The following TSGA10 variants were observed in gnomAD, a reference collection of about 807,000 sequenced individuals.
The protein encoded by TSGA10 is testis specific 10, also known as testis-specific gene 10 protein.
A neutral mutation model predicts 96.6 loss-of-function variants in TSGA10; 43 were observed. The ratio of observed to expected loss-of-function variants is 0.44; its 90% CI spans 0.35 to 0.57. The LOEUF is 0.57. Ranked by LOEUF, TSGA10 falls within the 20% of genes least tolerant of loss-of-function variation. The pLI is 0.01. For synonymous variants in TSGA10, 229 were observed against 269.9 expected, an observed-to-expected ratio of 0.85 and a Z score of 1.48; for missense variants, 703 against 834.4, an observed-to-expected ratio of 0.84 and a Z score of 1.94.
chr2:99,058,760 G>A (rs1034167209), intron 16 of TSGA10, among the ~76,000 whole-genome samples: 7 of 152,138 alleles, frequency 4.6e-5, no homozygotes, highest in Admixed American at 3.9e-4. Flanking sequence ...AATCCTGGCT[G>A]GGCATGGTGG....
intron 17 of TSGA10, among the ~76,000 whole-genome samples, chr2:99,020,705 A>G (rs2104954019): frequency 6.6e-6 from 1 of 152,252 alleles, no homozygotes; most frequent in Middle Eastern, 3.4e-3. Context: ...TCATTAATTT[A>G]AGAAAAGGCT....
At chr2:99,145,628 C>A (rs1405771561) in intron 1 of TSGA10, among the ~76,000 whole-genome samples, 2 of 151,966 alleles carry the variant, frequency 1.3e-5, no homozygotes, top group Admixed American at 6.6e-5. Flanking sequence ...AATTTTCCCA[C>A]CCTCAGAGTC....
At position 99,058,775 on chromosome 2, in the gene TSGA10, C is replaced by T. The variant is rs568855525; in HGVS notation, c.1404+6164G>A. Reference sequence around the variant, plus strand: ...AATCCTGGCTGGGCATGGTGGCTCACGCCTGTAATCCCAGCACTTTGGGAG... The same window carrying T: ...AATCCTGGCTGGGCATGGTGGCTCATGCCTGTAATCCCAGCACTTTGGGAG... On this transcript the variant is annotated intron_variant, in intron 16 of 20. Coordinates refer to ENST00000393483, the MANE Select transcript of TSGA10 (RefSeq NM_025244.4). Among the ~76,000 whole-genome samples, 5 of 151,920 alleles carry T rather than the reference C, an allele frequency of 3.3e-5. No individual in the cohort carries two copies. In the South Asian group the frequency reaches 6.2e-4, roughly 19 times the overall value.
At chr2:99,122,976 C>A (rs1310913771) in intron 2 of TSGA10, among the ~76,000 whole-genome samples, 1 of 152,074 alleles carries the variant, frequency 6.6e-6, no homozygotes, top group Non-Finnish European at 1.5e-5. Flanking sequence ...TTTTCTTTAT[C>A]TGAGAATGTC....
intron 10 of TSGA10, among the ~76,000 whole-genome samples, chr2:99,101,012 C>T (rs542830421): frequency 6.7e-6 from 1 of 148,364 alleles, no homozygotes; most frequent in South Asian, 2.2e-4. Flanking sequence ...GCCTGTAATC[C>T]CAGCACTTTG....
rs1201070531 is a variant in TSGA10 at position 99,059,403 on chromosome 2, C to T, written c.1404+5536G>A. 1.2e-4 allele frequency among the ~76,000 whole-genome samples: 18 copies of T among 150,220 alleles called. 4 individuals are homozygous for T. The highest frequency in any genetic ancestry group is 1.1e-3 in the Admixed American group (17 of 15,064). ...TAATCCCAGCACTTTCGGAAGCCGA[C>T]GTGGGCAGATCACCTGAGGTCAGGA... On this transcript the variant is annotated intron_variant, in intron 16 of 20. Coordinates refer to ENST00000393483, the MANE Select transcript of TSGA10 (RefSeq NM_025244.4).
intron 15 of TSGA10, among the ~76,000 whole-genome samples, chr2:99,065,329 G>A (rs1219989349): frequency 6.6e-6 from 1 of 152,170 alleles, no homozygotes; most frequent in African/African-American, 2.4e-5. Flanking sequence ...TGGCTCCTGA[G>A]TAACACTCAG....
chr2:99,008,213 A>C (rs552947480), intron 20 of TSGA10, among the ~76,000 whole-genome samples: 78 of 152,346 alleles, frequency 5.1e-4, no homozygotes, highest in Middle Eastern at 3.4e-3. Flanking sequence ...CTACACAAAA[A>C]TAAAAACTTT....
At position 99,130,518 on chromosome 2, in the gene TSGA10, G is replaced by C. The variant is rs566457211; in HGVS notation, c.-620-3342C>G. Among the ~76,000 whole-genome samples, 107 of 152,168 alleles carry C rather than the reference G, an allele frequency of 7.0e-4. 1 individual carries two copies. Among genetic ancestry groups the C allele is most frequent in the African/African-American group, 2.4e-3 (101 of 41,522 alleles). On this transcript the variant is annotated intron_variant, in intron 1 of 20. Transcript: ENST00000393483. ...TTGTTTAAGTTCCTTATAGATTCTA[G>C]ATATTAACCTTTTGTCAGATGGGTA...
At chr2:99,034,512 T>C (rs1301845488) in intron 17 of TSGA10, among the ~76,000 whole-genome samples, 1 of 152,148 alleles carries the variant, frequency 6.6e-6, no homozygotes, top group African/African-American at 2.4e-5. Flanking sequence ...CATACCCCTT[T>C]AAAATTCGGG....
At chr2:99,058,669 T>G (rs1381710395) in intron 16 of TSGA10, among the ~76,000 whole-genome samples, 3 of 152,024 alleles carry the variant, frequency 2.0e-5, no homozygotes, top group Non-Finnish European at 2.9e-5. Context: ...AAGAACAAAT[T>G]TGCCTACAAA....
At chr2:99,014,857 A>G (rs910092288) in intron 20 of TSGA10, among the ~76,000 whole-genome samples, 1 of 152,224 alleles carries the variant, frequency 6.6e-6, no homozygotes, top group Admixed American at 6.5e-5. Context: ...GGCTACTATG[A>G]ACACCTTTAC....
intron 4 of TSGA10, among the ~76,000 whole-genome samples, chr2:99,116,388 T>C (rs2092262592): frequency 1.3e-5 from 2 of 152,040 alleles, no homozygotes; most frequent in South Asian, 4.1e-4. Flanking sequence ...CAAAATATCA[T>C]AAAGCTACAG....
At chr2:99,140,212 T>C (rs1354060937) in intron 1 of TSGA10, among the ~76,000 whole-genome samples, 1 of 152,218 alleles carries the variant, frequency 6.6e-6, no homozygotes, top group African/African-American at 2.4e-5. Flanking sequence ...GTTTGGCTCA[T>C]TAATCAATTA....
At chr2:99,053,758 T>C (rs1438083957) in intron 16 of TSGA10, among the ~76,000 whole-genome samples, 2 of 152,176 alleles carry the variant, frequency 1.3e-5, no homozygotes, top group African/African-American at 4.8e-5. Flanking sequence ...ATCAGTAGCA[T>C]TTCTATACAC....
chr2:99,105,714 A>G lies in TSGA10; in HGVS notation c.211-17T>C. On this transcript the variant is annotated splice_polypyrimidine_tract_variant and intron_variant, in intron 7 of 20. Transcript: ENST00000393483. ...TTCCTGTGCCTATTATTTAAATCAT[A>G]GACTTTGGTTGAACAAGCTTTAGAA... is the stretch of plus-strand genomic sequence containing the variant. 3 of 1,577,466 alleles carry G rather than the reference A, an allele frequency of 1.9e-6. No homozygotes were observed. Among genetic ancestry groups the G allele is most frequent in the Non-Finnish European group, 2.6e-6 (3 of 1,154,874 alleles).
chr2:99,136,594 G>A lies in TSGA10; in HGVS notation c.-620-9418C>T, dbSNP rs868697116. ...GGGCGGATCACGAGGTCAGGAGATC[G>A]AGACCATCCCGGCTAAAACGGTGAA... On this transcript the variant is annotated intron_variant, in intron 1 of 20. Transcript: ENST00000393483. 9.2e-4 allele frequency among the ~76,000 whole-genome samples: 27 copies of A among 29,462 alleles called. 6 individuals carry two copies. The highest frequency in any genetic ancestry group is 1.5e-3 in the African/African-American group (21 of 13,898). The allele number at this position is 29,462 out of a possible 152,430, so 19.3% of individuals were successfully genotyped here.
intron 2 of TSGA10, among the ~76,000 whole-genome samples, chr2:99,119,952 G>A (rs866840382): frequency 6.6e-6 from 1 of 152,072 alleles, no homozygotes; most frequent in Non-Finnish European, 1.5e-5. Context: ...AGCAACAAGA[G>A]CACACTAAAA....
chr2:99,102,489 A>C, intron 10 of TSGA10: 1 of 1,613,944 alleles, frequency 6.2e-7, no homozygotes, highest in Non-Finnish European at 8.5e-7. Context: ...GATTTTTGCC[A>C]TTCAGAAATG....
Sources: gnomAD v4.1 joint callset for allele counts (sites outside exome capture counted in the v4.1 genomes callset) on GRCh38, gnomAD v4.1.1 for gene constraint, MANE v1.5 for transcripts, NCBI Gene and HGNC (gene_info 2026-07-23, HGNC 2026-07-21) for gene names.